The following HK1 variants were observed in gnomAD, a reference collection of about 807,000 sequenced individuals.
The protein encoded by HK1 is hexokinase 1.
In HK1, 28 loss-of-function variants were observed where a neutral mutation model predicts 91.6. The ratio of observed to expected loss-of-function variants is 0.31; its 90% CI spans 0.23 to 0.42. The LOEUF is 0.42. Ranked by LOEUF, HK1 falls within the 10% of genes least tolerant of loss-of-function variation. The pLI is 1.00. For synonymous variants in HK1, 430 were observed against 468.1 expected (o/e 0.92, Z 1.05); for missense variants, 770 against 1,219.8 (o/e 0.63, Z 5.49).
At chr10:69,342,169 A>ACAAG (rs1848325134) in intron 1 of HK1, among the ~76,000 whole-genome samples, 1 of 142,042 alleles carries the variant, frequency 7.0e-6, no homozygotes, top group Admixed American at 6.9e-5. Context: ...CCAAAAACAA[A>ACAAG]CAAACAAACA....
At chr10:69,372,871 G>T (rs77739800) in intron 7 of HK1, among the ~76,000 whole-genome samples, 3,967 of 151,568 alleles carry the variant, frequency 0.026, 96 homozygotes, top group South Asian at 0.1. Flanking sequence ...TTTTTTTGTT[G>T]TTGTTGTTTT....
chr10:69,359,048 T>C (rs1849285225), intron 2 of HK1, among the ~76,000 whole-genome samples: 1 of 147,642 alleles, frequency 6.8e-6, no homozygotes. Flanking sequence ...ACCCTGTCTC[T>C]ATTAATTAAA....
At chr10:69,350,951 A>AT (rs1298097214) in intron 2 of HK1, among the ~76,000 whole-genome samples, 7 of 148,074 alleles carry the variant, frequency 4.7e-5, no homozygotes, top group East Asian at 2.0e-4. Flanking sequence ...CAGGCGGATC[A>AT]CGAGGTCAGG....
At chr10:69,326,830 A>G (rs1024128506) in intron 1 of HK1, among the ~76,000 whole-genome samples, 3 of 152,008 alleles carry the variant, frequency 2.0e-5, no homozygotes, top group African/African-American at 7.2e-5. Context: ...TCTGTCCTGA[A>G]TTTGGTGTTT....
Position 69,298,202 on chromosome 10 carries a change from A to G in HK1, c.-67+2522A>G, listed in dbSNP as rs185726433. Among the ~76,000 whole-genome samples, 139 of 151,326 alleles carry G rather than the reference A, an allele frequency of 9.2e-4. 4 individuals are homozygous for G. Among genetic ancestry groups the G allele is most frequent in the Admixed American group, 9.0e-3 (137 of 15,192 alleles). On this transcript the variant is annotated intron_variant, in intron 4 of 21. Coordinates refer to the HK1 transcript ENST00000360289. The stretch of plus-strand genomic sequence containing the variant: ...CTCCAGCCTGGGCAAGAAGAGAGAA[A>G]CTCCATCTCAAGGAAAAAAAGAAAA...
intron 3 of HK1, among the ~76,000 whole-genome samples, chr10:69,364,382 C>T (rs994621163): frequency 5.7e-4 from 87 of 152,020 alleles, no homozygotes; most frequent in African/African-American, 1.9e-3. Context: ...TTTCAGAGAG[C>T]GTGGCGTCGG....
At chr10:69,327,459 C>A (rs118055636) in intron 1 of HK1, among the ~76,000 whole-genome samples, 2 of 152,138 alleles carry the variant, frequency 1.3e-5, no homozygotes, top group Admixed American at 6.5e-5. Context: ...CTAGTTAATT[C>A]ATCTATTCTG....
At chr10:69,348,567 T>G (rs1848684789) in intron 2 of HK1, among the ~76,000 whole-genome samples, 1 of 152,116 alleles carries the variant, frequency 6.6e-6, no homozygotes, top group African/African-American at 2.4e-5. Flanking sequence ...TCCCAGCACT[T>G]TGGGAGGCCG....
chr10:69,398,957 A>G, intron 17 of HK1, 129 bp downstream of exon 17: 3 of 676,172 alleles, frequency 4.4e-6, no homozygotes, highest in Non-Finnish European at 7.9e-6. Context: ...CTGTGCGTTC[A>G]GGAGCTGGGG....
At chr10:69,288,411 C>T (rs887525507) in intron 2 of HK1, among the ~76,000 whole-genome samples, 1 of 152,128 alleles carries the variant, frequency 6.6e-6, no homozygotes, top group East Asian at 1.9e-4. Context: ...GAGTTCGAAA[C>T]CAGCCTGAGC....
At chr10:69,355,237 G>A (rs1335818765) in intron 2 of HK1, among the ~76,000 whole-genome samples, 1 of 151,952 alleles carries the variant, frequency 6.6e-6, no homozygotes, top group Non-Finnish European at 1.5e-5. Context: ...AGTGTGTCAG[G>A]GCTTATAGCT....
intron 1 of HK1, among the ~76,000 whole-genome samples, chr10:69,341,719 G>A (rs779603395): frequency 9.2e-4 from 139 of 151,828 alleles, no homozygotes; most frequent in Admixed American, 2.9e-3. Context: ...GCCTTGCAAA[G>A]TTCTAGAATT....
At chr10:69,288,908 T>TCC (rs1308518793) in intron 3 of HK1, 1 of 738,158 alleles carries the variant, frequency 1.4e-6, no homozygotes, top group Non-Finnish European at 2.4e-6. Context: ...TGCCTCAGCC[T>TCC]CCCAGTAGCT....
intron 1 of HK1, among the ~76,000 whole-genome samples, chr10:69,276,122 C>T (rs4746833): frequency 0.48 from 22,787 of 47,314 alleles, 7,394 homozygotes; most frequent in Middle Eastern, 0.73. Context: ...AAAAAAAATA[C>T]ATATATATAT....
At chr10:69,290,388 C>T (rs1244461518) in intron 3 of HK1, among the ~76,000 whole-genome samples, 1 of 152,218 alleles carries the variant, frequency 6.6e-6, no homozygotes, top group Non-Finnish European at 1.5e-5. Flanking sequence ...ATCTTTCCCT[C>T]AGTCCTACAA....
At chr10:69,366,897 A>G (rs973680028) in intron 4 of HK1, among the ~76,000 whole-genome samples, 14 of 152,160 alleles carry the variant, frequency 9.2e-5, no homozygotes, top group South Asian at 2.1e-4. Context: ...TGCTCTCTGC[A>G]GCTATTGACT....
intron 3 of HK1, among the ~76,000 whole-genome samples, chr10:69,294,617 A>G (rs528875160): frequency 1.1e-4 from 17 of 152,146 alleles, no homozygotes; most frequent in Non-Finnish European, 1.5e-4. Context: ...AGCACTTGGG[A>G]AGCTGAGGCA....
Position 69,398,504 on chromosome 10 carries a change from AT to A in HK1, c.2376-89del. The A allele has an allele frequency of 4.5e-6, 4 of 894,260 alleles. No individual in the cohort carries two copies. The South Asian group carries it at 5.6e-5, about 13-fold the overall frequency. 55.4% of individuals were successfully genotyped at this position (894,260 alleles called of 1,614,324 possible). On this transcript the variant is annotated intron_variant, in intron 16 of 17. Coordinates refer to ENST00000359426, the MANE Select transcript of HK1 (RefSeq NM_000188.3). The stretch of plus-strand genomic sequence containing the variant: ...ACTCTGTCTGTGGATGAGTACAGTG[AT>A]TGGGGGCGGGGGGCGTCCTTTGGAC...
intron 2 of HK1, among the ~76,000 whole-genome samples, chr10:69,347,831 T>C (rs989732162): frequency 6.6e-6 from 1 of 152,172 alleles, no homozygotes; most frequent in East Asian, 1.9e-4. Context: ...AGGGTAAGGA[T>C]AAAGTTCTCC....
Sources: allele counts gnomAD v4.1 joint callset (sites outside exome capture counted in the v4.1 genomes callset), GRCh38; gene constraint gnomAD v4.1.1; transcripts MANE v1.5; gene names NCBI Gene and HGNC (gene_info 2026-07-23, HGNC 2026-07-21).